Variants in LMO3 observed in about 807,000 individuals in gnomAD.
LMO3 encodes the protein LIM domain only 3.
In LMO3, 2 loss-of-function variants were observed where a neutral mutation model predicts 15.8. That is an observed-to-expected ratio of 0.13 (90% CI 0.05 to 0.40). The LOEUF is 0.40. Ranked by LOEUF, LMO3 falls within the 10% of genes least tolerant of loss-of-function variation. LMO3 has a pLI of 0.99. For synonymous variants in LMO3, 62 were observed against 63.8 expected, an observed-to-expected ratio of 0.97 and a Z score of 0.13; for missense variants, 86 against 182.2, an observed-to-expected ratio of 0.47 and a Z score of 3.04.
chr12:16,595,740 C>T (rs953502370), intron 2 of LMO3, among the ~76,000 whole-genome samples: 4 of 151,262 alleles, frequency 2.6e-5, no homozygotes, highest in African/African-American at 9.7e-5. Flanking sequence ...TTAACTTAGA[C>T]ATTCAAACAT....
At chr12:16,594,514 T>A (rs915484572) in intron 2 of LMO3, among the ~76,000 whole-genome samples, 1 of 151,556 alleles carries the variant, frequency 6.6e-6, no homozygotes, top group African/African-American at 2.4e-5. Flanking sequence ...TTGATAAAAG[T>A]GAGAAACATT....
intron 1 of LMO3, among the ~76,000 whole-genome samples, chr12:16,601,109 T>G (rs1335424676): frequency 6.6e-6 from 1 of 152,184 alleles, no homozygotes; most frequent in Non-Finnish European, 1.5e-5. Context: ...ATGTTGACCA[T>G]GGTAAATTGA....
Position 16,559,849 on chromosome 12 carries a change from C to G in LMO3, c.332+564G>C, listed in dbSNP as rs531422137. On this transcript the variant is annotated intron_variant, in intron 3 of 3. Transcript: ENST00000537304. The surrounding 1 kb of genome is among the most constrained non-coding windows in gnomAD (Gnocchi z 4.1). ...TGGGAGTGCACACCTGTACTCCCAG[C>G]TACTCGGGAGGCTGAGGCAGGAGGA... Among the ~76,000 whole-genome samples, 87 of 151,386 alleles carry G rather than the reference C, an allele frequency of 5.7e-4. No homozygotes were observed. Among genetic ancestry groups the G allele is most frequent in the African/African-American group, 2.1e-3 (85 of 41,296 alleles).
chr12:16,605,439 C>A (rs1237534587), intron 1 of LMO3: 40 of 644,882 alleles, frequency 6.2e-5, no homozygotes, highest in South Asian at 2.1e-4. Flanking sequence ...CCCGCCTGCC[C>A]CCCCCCCCCG....
intron 2 of LMO3, among the ~76,000 whole-genome samples, chr12:16,595,670 A>AT (rs1943628344): frequency 6.6e-6 from 1 of 151,496 alleles, no homozygotes; most frequent in Admixed American, 6.6e-5. Context: ...ATATAACAGT[A>AT]TTTTTGTAAC....
At position 16,553,210 on chromosome 12, in the gene LMO3, G is replaced by A. The variant is rs184009809; in HGVS notation, c.333-1883C>T. Among the ~76,000 whole-genome samples, 8 of 152,176 alleles carry A rather than the reference G, an allele frequency of 5.3e-5. No individual in the cohort carries two copies. The East Asian group carries it at 7.7e-4, about 15-fold the overall frequency. On this transcript the variant is annotated intron_variant, in intron 3 of 3. Coordinates refer to ENST00000537304, the MANE Select transcript of LMO3 (RefSeq NM_018640.5). ...TTACAGAAGAAAAACCTAAGACTCC[G>A]TGCCAGAATTTCAAAGCCCTGCCCA...
rs537076100 is a variant in LMO3, at chr12:16,582,850, C to T, written c.206+17805G>A. Among the ~76,000 whole-genome samples the T allele has an allele frequency of 6.8e-4, 103 of 152,102 alleles. No homozygotes were observed. Among genetic ancestry groups the T allele is most frequent in the African/African-American group, 2.3e-3 (95 of 41,510 alleles). On this transcript the variant is annotated intron_variant, in intron 2 of 3. Transcript: ENST00000537304. The surrounding 1 kb of genome is among the most constrained non-coding windows in gnomAD (Gnocchi z 4.1). ...ATCACCTGAGGTCAGGAGTTCGAGA[C>T]CAGCCTGGCCAACATGGCGAAACCC...
chr12:16,570,055 A>T (rs1942761548), intron 2 of LMO3, among the ~76,000 whole-genome samples: 1 of 152,294 alleles, frequency 6.6e-6, no homozygotes. Flanking sequence ...CCCTTGATAT[A>T]GCTCAGGAAG....
At chr12:16,605,380 A>G (rs1306144258) in intron 1 of LMO3, 1 of 1,184,906 alleles carries the variant, frequency 8.4e-7, no homozygotes, top group African/African-American at 1.6e-5. Flanking sequence ...ATTAGGATAT[A>G]GGCACCTTGG....
At chr12:16,583,134 A>G (rs144743083) in intron 2 of LMO3, among the ~76,000 whole-genome samples, 1 of 152,072 alleles carries the variant, frequency 6.6e-6, no homozygotes, top group Non-Finnish European at 1.5e-5. Flanking sequence ...GATCAACACT[A>G]TTAAAAGAGA....
At position 16,580,009 on chromosome 12, in the gene LMO3, T is replaced by C. The variant is rs536966621; in HGVS notation, c.207-19471A>G. On this transcript the variant is annotated intron_variant, in intron 2 of 3. Coordinates refer to ENST00000537304, the MANE Select transcript of LMO3 (RefSeq NM_018640.5). ...TGTAACTGTACAAAAGCAGGATCAG[T>C]TTATCATCTCATGATCAATTTAAGT... is the stretch of plus-strand genomic sequence containing the variant. Among the ~76,000 whole-genome samples the C allele has an allele frequency of 7.9e-5, 12 of 152,324 alleles. No homozygotes were observed. In the South Asian group the frequency reaches 2.3e-3, roughly 29 times the overall value.
rs1294624955 is a variant in LMO3 at position 16,599,984 on chromosome 12, T to C, written c.206+671A>G. On this transcript the variant is annotated intron_variant, in intron 2 of 3. Coordinates refer to ENST00000537304, the MANE Select transcript of LMO3 (RefSeq NM_018640.5). This position sits in a 1 kb window ranked among gnomAD's most constrained non-coding sequence, Gnocchi z 4.1. ...GTATTTTTGAGATTCCCGTTTAGAA[T>C]GTCATGAGGTGGGGCGAGAGGAAGA... 6.6e-6 allele frequency: 1 copy of C among 152,120 alleles called. No homozygotes were observed. Among genetic ancestry groups the C allele is most frequent in the Non-Finnish European group, 1.5e-5 (1 of 68,032 alleles). The allele number at this position is 152,120 out of a possible 1,614,324, so 9.4% of individuals were successfully genotyped here.
intron 2 of LMO3, among the ~76,000 whole-genome samples, chr12:16,583,726 G>C (rs1402541191): frequency 6.6e-6 from 1 of 152,180 alleles, no homozygotes; most frequent in Non-Finnish European, 1.5e-5. Context: ...TTGAAAAAGG[G>C]TAGCATACCC....
Position 16,599,039 on chromosome 12 carries a change from C to A in LMO3, c.206+1616G>T. 1 of 166,500 alleles carries A rather than the reference C, an allele frequency of 6.0e-6. No individual in the cohort carries two copies. The highest frequency in any genetic ancestry group is 1.3e-5 in the Non-Finnish European group (1 of 74,590). The allele number at this position is 166,500 out of a possible 1,614,324, so 10.3% of individuals were successfully genotyped here. On this transcript the variant is annotated intron_variant, in intron 2 of 3. Coordinates refer to ENST00000537304, the MANE Select transcript of LMO3 (RefSeq NM_018640.5). This position sits in a 1 kb window ranked among gnomAD's most constrained non-coding sequence, Gnocchi z 4.1. Reference sequence around the variant, plus strand: ...TGACTATTGGTTAGTACAGATAAAGCAAAACTAAAAAGCAGTATTAAATCA... The same window carrying A: ...TGACTATTGGTTAGTACAGATAAAGAAAAACTAAAAAGCAGTATTAAATCA...
rs1943917192 is a variant in LMO3, at chr12:16,604,219, CACTGGCCCAGAGCATCCCT to C, written c.-9+1828_-9+1846del. Among the ~76,000 whole-genome samples the C allele has an allele frequency of 6.6e-6, 1 of 152,166 alleles. No individual in the cohort carries two copies. On this transcript the variant is annotated intron_variant, in intron 1 of 3. Coordinates refer to ENST00000537304, the MANE Select transcript of LMO3 (RefSeq NM_018640.5). The surrounding 1 kb of genome is among the most constrained non-coding windows in gnomAD (Gnocchi z 5.3). ...GCCTAAAAGCTTGTTTCTCTCTGTT[CACTGGCCCAGAGCATCCCT>C]ACAGGCTGCAGCCCCCTAAGGGACA...
intron 2 of LMO3, among the ~76,000 whole-genome samples, chr12:16,580,677 T>C (rs1465800810): frequency 1.3e-5 from 2 of 152,164 alleles, no homozygotes; most frequent in Non-Finnish European, 2.9e-5. Context: ...TGATAAAAAA[T>C]ACATACATGT....
At chr12:16,605,431 C>G (rs917234061) in intron 1 of LMO3, 3 of 883,568 alleles carry the variant, frequency 3.4e-6, no homozygotes, top group African/African-American at 2.5e-5. Context: ...TGCCCCTACC[C>G]GCCTGCCCCC....
At chr12:16,592,170 G>A (rs981591509) in intron 2 of LMO3, among the ~76,000 whole-genome samples, 1 of 151,892 alleles carries the variant, frequency 6.6e-6, no homozygotes, top group African/African-American at 2.4e-5. Flanking sequence ...TTATAAGAAC[G>A]AAGTATTGGC....
At chr12:16,563,219 A>C (rs1192905070) in intron 2 of LMO3, among the ~76,000 whole-genome samples, 1 of 152,104 alleles carries the variant, frequency 6.6e-6, no homozygotes. Context: ...AATCTGATCT[A>C]ATTTACTGCA....
Sources: allele counts gnomAD v4.1 joint callset (sites outside exome capture counted in the v4.1 genomes callset), GRCh38; gene constraint gnomAD v4.1.1; non-coding constraint Gnocchi (gnomAD v3.1); transcripts MANE v1.5; gene names NCBI Gene and HGNC (gene_info 2026-07-23, HGNC 2026-07-21).